The following ABHD12B variants were observed in gnomAD, a reference collection of about 807,000 sequenced individuals.
The protein encoded by ABHD12B is protein ABHD12B.
In ABHD12B, 42 loss-of-function variants were observed where a neutral mutation model predicts 50.4. The observed-to-expected ratio is 0.83, with a 90% CI of 0.65 to 1.08. ABHD12B has a LOEUF of 1.08. ABHD12B is among the 50% of genes least tolerant of loss of function. The probability of loss-of-function intolerance (pLI) is 0.00; values close to 1 mark genes in which losing one functional copy is unlikely to be tolerated. For missense variants in ABHD12B, 479 were observed against 447.7 expected, an observed-to-expected ratio of 1.07 and a Z score of -0.63; for synonymous variants, 167 against 160.3, an observed-to-expected ratio of 1.04 and a Z score of -0.32.
intron 10 of ABHD12B, among the ~76,000 whole-genome samples, chr14:50,903,064 T>C (rs919627247): frequency 4.6e-5 from 7 of 152,084 alleles, no homozygotes; most frequent in Non-Finnish European, 1.0e-4. Context: ...AAGAAGAATA[T>C]AAGGTTCTTC....
intron 9 of ABHD12B, among the ~76,000 whole-genome samples, chr14:50,889,463 C>G (rs147014803): frequency 0.01 from 1,593 of 152,262 alleles, 13 homozygotes; most frequent in South Asian, 0.022. Flanking sequence ...CATGGTGAAA[C>G]CCCGTCTCTA....
chr14:50,881,056 G>A (rs544022251), intron 4 of ABHD12B, among the ~76,000 whole-genome samples: 82 of 152,202 alleles, frequency 5.4e-4, no homozygotes, highest in Non-Finnish European at 1.1e-3. Flanking sequence ...ACTGGGGACC[G>A]TCTGACTAAT....
intron 1 of ABHD12B, among the ~76,000 whole-genome samples, chr14:50,876,858 AAC>A (rs2049870708): frequency 6.6e-6 from 1 of 152,212 alleles, no homozygotes; most frequent in African/African-American, 2.4e-5. Flanking sequence ...GATTATATTA[AAC>A]AGTTTTAACA....
rs2050307331 is a variant in ABHD12B at position 50,904,610 on chromosome 14, T to C, written c.*244T>C. 1.7e-6 allele frequency: 1 copy of C among 580,184 alleles called. No individual in the cohort carries two copies. Among genetic ancestry groups the C allele is most frequent in the South Asian group, 2.2e-5 (1 of 45,362 alleles). The allele number at this position is 580,184 out of a possible 1,614,324, so 35.9% of individuals were successfully genotyped here. Reference sequence around the variant, plus strand: ...AACCTCACTGTGGAGAACCAGAATTTGGTAAAATCTAGATCCTATCTAAAA... The same window carrying C: ...AACCTCACTGTGGAGAACCAGAATTCGGTAAAATCTAGATCCTATCTAAAA... On this transcript the variant is annotated 3_prime_UTR_variant, in exon 13 of 13. Coordinates refer to ENST00000337334, the MANE Select transcript of ABHD12B (RefSeq NM_001206673.2).
At chr14:50,892,171 TTTTA>T (rs990636033) in intron 9 of ABHD12B, 2 of 152,906 alleles carry the variant, frequency 1.3e-5, no homozygotes, top group Admixed American at 6.5e-5. Context: ...GAGTATTGTG[TTTTA>T]TTTATTATTT....
Position 50,903,412 on chromosome 14 carries a change from T to A in ABHD12B, c.887T>A (p.Leu296His). 1 of 1,612,632 alleles carries A rather than the reference T, an allele frequency of 6.2e-7. No individual in the cohort carries two copies. The highest frequency in any genetic ancestry group is 8.5e-7 in the Non-Finnish European group (1 of 1,178,966). The change falls in exon 11 of 13, where the codon CTT becomes CAT. Residue 296 changes from leucine to histidine, a missense_variant. Leu to His is a moderately conservative substitution (Grantham distance 99, BLOSUM62 -3). Coordinates refer to ENST00000337334, the MANE Select transcript of ABHD12B (RefSeq NM_001206673.2). ...DENVKFLSSPLLILHGEDDRT... is the reference protein window; with the variant it reads ...DENVKFLSSPHLILHGEDDRT... ...AGTGTTAAATTCCTTTCTTCTCCTC[T>A]TCTCATCTTACATGGAGAGGATGAC... is the stretch of plus-strand genomic sequence containing the variant.
chr14:50,882,229 C>A (rs529004408), intron 5 of ABHD12B, among the ~76,000 whole-genome samples: 17 of 133,918 alleles, frequency 1.3e-4, no homozygotes, highest in Admixed American at 1.1e-3. Context: ...AACCACCTCA[C>A]CCGGCTGACG....
At chr14:50,880,140 A>T (rs566585744) in intron 3 of ABHD12B, among the ~76,000 whole-genome samples, 4 of 152,004 alleles carry the variant, frequency 2.6e-5, no homozygotes, top group South Asian at 4.2e-4. Flanking sequence ...TTCCCTTTTT[A>T]AAAAAAACAA....
intron 9 of ABHD12B, chr14:50,893,383 G>A: frequency 6.4e-6 from 1 of 155,574 alleles, no homozygotes; most frequent in South Asian, 2.0e-4. Flanking sequence ...TCCTGGCTCA[G>A]AAGCTCCCCC....
intron 8 of ABHD12B, among the ~76,000 whole-genome samples, 190 bp from the exon 9 acceptor site, chr14:50,888,634 C>T (rs1366408876): frequency 1.3e-5 from 2 of 152,182 alleles, no homozygotes; most frequent in Admixed American, 1.3e-4. Context: ...TGCACATTCT[C>T]AGCCCTCACC....
In ABHD12B at chr14:50,872,168, G is replaced by A; in HGVS notation, c.-7G>A. The A allele has an allele frequency of 7.5e-7, 1 of 1,327,534 alleles. No individual in the cohort carries two copies. The highest frequency in any genetic ancestry group is 9.6e-7 in the Non-Finnish European group (1 of 1,037,482). 82.2% of individuals were successfully genotyped at this position (1,327,534 alleles called of 1,614,324 possible). A position where few individuals can be genotyped will look rare whatever the true frequency, so the allele number is the denominator to read the frequency against. On this transcript the variant is annotated 5_prime_UTR_variant, in exon 1 of 13. Coordinates refer to ENST00000337334, the MANE Select transcript of ABHD12B (RefSeq NM_001206673.2). ...GGCGGTGGCGGCGTATCGGGACACG[G>A]CGCGGGATGGACGCGCAGGACTGCC...
intron 9 of ABHD12B, chr14:50,892,357 G>A: frequency 1.0e-6 from 1 of 962,664 alleles, no homozygotes; most frequent in Non-Finnish European, 1.2e-6. Context: ...ACTGGAAAGG[G>A]GGAAGAGCAG....
chr14:50,888,486 G>A (rs2142747253), intron 8 of ABHD12B, among the ~76,000 whole-genome samples: 1 of 152,260 alleles, frequency 6.6e-6, no homozygotes. Context: ...ACAGGTGTGA[G>A]CCACCGTGCC....
In ABHD12B at chr14:50,883,731, C is replaced by T. The variant is rs146605456; in HGVS notation, c.487-1883C>T. ...GGCAGGACTTTGCCCCCAGGCAGAT[C>T]GTGGGCATCAAGTGCCAGTGCCATC... is the stretch of plus-strand genomic sequence containing the variant. On this transcript the variant is annotated intron_variant, in intron 5 of 12. Coordinates refer to ENST00000337334, the MANE Select transcript of ABHD12B (RefSeq NM_001206673.2). Among the ~76,000 whole-genome samples the T allele has an allele frequency of 1.2e-4, 19 of 152,348 alleles. No individual in the cohort carries two copies. In the East Asian group the frequency reaches 1.3e-3, roughly 11 times the overall value.
chr14:50,903,091 C>G (rs181043688), intron 10 of ABHD12B, among the ~76,000 whole-genome samples: 1 of 145,950 alleles, frequency 6.9e-6, no homozygotes, highest in African/African-American at 2.5e-5. Context: ...TGTACAAAAT[C>G]AGTGTTTCAG....
intron 5 of ABHD12B, 42 bp downstream of exon 5, chr14:50,881,668 GT>G (rs768955764): frequency 6.2e-7 from 1 of 1,608,848 alleles, no homozygotes. Flanking sequence ...TCATAAGTCT[GT>G]TTGATATGTC....
At chr14:50,891,888 T>C (rs1430628627) in intron 9 of ABHD12B, 1 of 152,216 alleles carries the variant, frequency 6.6e-6, no homozygotes. Context: ...CCATTGTCTA[T>C]CTGTCAATCT....
At chr14:50,898,036 G>A (rs1171945260) in intron 9 of ABHD12B, among the ~76,000 whole-genome samples, 2 of 152,190 alleles carry the variant, frequency 1.3e-5, no homozygotes, top group Non-Finnish European at 2.9e-5. Flanking sequence ...TTGAAGGTGA[G>A]GGAAAGCAGT....
intron 1 of ABHD12B, 78 bp downstream of exon 1, chr14:50,872,356 C>G: frequency 6.7e-6 from 7 of 1,040,638 alleles, no homozygotes; most frequent in Non-Finnish European, 8.6e-6. Flanking sequence ...GGCCAGGGCG[C>G]GGCCGAGGCC....
Sources: gnomAD v4.1 joint callset for allele counts (sites outside exome capture counted in the v4.1 genomes callset) on GRCh38, gnomAD v4.1.1 for gene constraint, MANE v1.5 for transcripts, NCBI Gene and HGNC (gene_info 2026-07-23, HGNC 2026-07-21) for gene names.